WDFY1: variants seen among roughly 807,000 people sequenced by gnomAD.
The protein encoded by WDFY1 is WD repeat and FYVE domain-containing protein 1.
A neutral mutation model predicts 56.4 loss-of-function variants in WDFY1; 32 were observed. The ratio of observed to expected loss-of-function variants is 0.57; its 90% CI spans 0.43 to 0.76. WDFY1 has a LOEUF of 0.76. WDFY1 is among the 30% of genes least tolerant of loss of function. The probability of loss-of-function intolerance (pLI) is 0.00; values close to 1 mark genes in which losing one functional copy is unlikely to be tolerated. For synonymous variants in WDFY1, 192 were observed against 197.3 expected (o/e 0.97, Z 0.23); for missense variants, 480 against 545.7 (o/e 0.88, Z 1.20).
chr2:223,935,596 A>G (rs1341810086), intron 1 of WDFY1, among the ~76,000 whole-genome samples: 1 of 152,224 alleles, frequency 6.6e-6, no homozygotes, highest in East Asian at 1.9e-4. Flanking sequence ...AACACAGCAG[A>G]GGAAATGTCT....
Position 223,895,550 on chromosome 2 carries a change from C to T in WDFY1, c.679G>A (p.Asp227Asn), listed in dbSNP as rs1432714864. The T allele has an allele frequency of 6.2e-7, 1 of 1,614,012 alleles. No individual in the cohort carries two copies. Among genetic ancestry groups the T allele is most frequent in the Non-Finnish European group, 8.5e-7 (1 of 1,179,976 alleles). Residue 227 changes from aspartate to asparagine, a missense_variant, in exon 7 of 12, where the codon GAC (aspartate) becomes AAC (asparagine). Coordinates refer to ENST00000233055, the MANE Select transcript of WDFY1 (RefSeq NM_020830.5). ...GTCCGGCCTTTCCTTCCTCCGATGT[C>T]CCACATGATGATGCTGTTGTCAGAT... ...GASDNSIIMWDIGGRKGRTLL... is the reference protein window; with the variant it reads ...GASDNSIIMWNIGGRKGRTLL...
At chr2:223,925,452 T>C (rs948884360) in intron 1 of WDFY1, among the ~76,000 whole-genome samples, 1 of 152,210 alleles carries the variant, frequency 6.6e-6, no homozygotes, top group African/African-American at 2.4e-5. Context: ...AACGATCATC[T>C]GAACCTTCAG....
chr2:223,944,767 G>A (rs1392208130), intron 1 of WDFY1, among the ~76,000 whole-genome samples: 62 of 143,386 alleles, frequency 4.3e-4, no homozygotes, highest in African/African-American at 1.4e-3. Flanking sequence ...GAGCAGGAGG[G>A]GCGAGGTGGG....
chr2:223,894,536 A>G, intron 7 of WDFY1, 197 bp from the exon 8 acceptor site: 1 of 574,660 alleles, frequency 1.7e-6, no homozygotes. Flanking sequence ...GATACTTTCT[A>G]TAAAATATAT....
intron 8 of WDFY1, among the ~76,000 whole-genome samples, chr2:223,885,684 A>T (rs1449228849): frequency 1.3e-5 from 2 of 152,230 alleles, no homozygotes; most frequent in East Asian, 3.8e-4. Flanking sequence ...CAGTGCATGC[A>T]GCAGAATCTG....
intron 3 of WDFY1, among the ~76,000 whole-genome samples, chr2:223,911,158 G>GT (rs1693691473): frequency 6.6e-6 from 1 of 152,140 alleles, no homozygotes; most frequent in Admixed American, 6.5e-5. Context: ...CACACATATT[G>GT]TATGAGTCTA....
intron 1 of WDFY1, among the ~76,000 whole-genome samples, chr2:223,944,176 G>A (rs1397300477): frequency 6.6e-6 from 1 of 152,228 alleles, no homozygotes; most frequent in African/African-American, 2.4e-5. Context: ...GGCGTGGCGT[G>A]AAATCCCTGA....
chr2:223,900,978 G>T, intron 5 of WDFY1: 1 of 530,982 alleles, frequency 1.9e-6, no homozygotes, highest in East Asian at 3.4e-5. Flanking sequence ...CGGATTTTCA[G>T]TGAAATATGT....
In WDFY1 at chr2:223,895,654, A is replaced by AGAGAGG. The variant is rs763375865; in HGVS notation, c.599-30_599-25dup. On this transcript the variant is annotated intron_variant, in intron 6 of 11. Coordinates refer to ENST00000233055, the MANE Select transcript of WDFY1 (RefSeq NM_020830.5). Reference sequence around the variant, plus strand: ...ACCTAGGGATTTGTGAGAGAGAGAGAGAGAGGGAGGCAGGGGAGAAGTAAA... The same window carrying AGAGAGG: ...ACCTAGGGATTTGTGAGAGAGAGAGAGAGAGGGAGAGGGAGGCAGGGGAGAAGTAAA... 5.6e-6 allele frequency: 9 copies of AGAGAGG among 1,613,076 alleles called. No homozygotes were observed. In the African/African-American group the frequency reaches 1.2e-4, roughly 22 times the overall value.
intron 7 of WDFY1, among the ~76,000 whole-genome samples, chr2:223,894,878 T>C (rs1329679960): frequency 2.0e-5 from 3 of 152,216 alleles, no homozygotes; most frequent in Non-Finnish European, 4.4e-5. Flanking sequence ...GTGTATAATA[T>C]GTTTCCTCAG....
chr2:223,926,943 C>G (rs972724175), intron 1 of WDFY1, among the ~76,000 whole-genome samples: 2 of 152,186 alleles, frequency 1.3e-5, no homozygotes, highest in African/African-American at 4.8e-5. Context: ...GCTGGTATTA[C>G]AGGTGTCAGC....
At chr2:223,901,792 G>C (rs1159991416) in intron 4 of WDFY1, among the ~76,000 whole-genome samples, 1 of 152,162 alleles carries the variant, frequency 6.6e-6, no homozygotes, top group Admixed American at 6.5e-5. Flanking sequence ...TTCTAAGTAA[G>C]AGCAATGGCA....
rs115612505 is a variant in WDFY1 at position 223,906,942 on chromosome 2, G to A, written c.280-941C>T. ...AGATAAAACTCTAAAGAAAAATCAC[G>A]AATTACTACTACCATTATTATTATT... On this transcript the variant is annotated intron_variant, in intron 3 of 11. Transcript: ENST00000233055. Among the ~76,000 whole-genome samples, 1,170 of 136,874 alleles carry A rather than the reference G, an allele frequency of 8.5e-3. 13 individuals are homozygous for A. Among genetic ancestry groups the A allele is most frequent in the African/African-American group, 0.03 (1,101 of 36,118 alleles). The allele number at this position is 136,874 out of a possible 152,430, so 89.8% of individuals were successfully genotyped here. A position where few individuals can be genotyped will look rare whatever the true frequency, so the allele number is the denominator to read the frequency against.
chr2:223,881,927 T>C lies in WDFY1; in HGVS notation c.1064+15A>G, dbSNP rs753623736. The stretch of plus-strand genomic sequence containing the variant: ...GTAATAAGAGGCAATGAGACAAAAA[T>C]ATGCAAACACTCACTCTTCATCTTT... On this transcript the variant is annotated intron_variant, in intron 10 of 11. Coordinates refer to ENST00000233055, the MANE Select transcript of WDFY1 (RefSeq NM_020830.5). 3.7e-6 allele frequency: 6 copies of C among 1,612,340 alleles called. No individual in the cohort carries two copies. Among genetic ancestry groups the C allele is most frequent in the Non-Finnish European group, 8.5e-7 (1 of 1,179,042 alleles).
chr2:223,876,336 C>G lies in WDFY1; in HGVS notation c.*2335G>C, dbSNP rs1440459310. On this transcript the variant is annotated 3_prime_UTR_variant, in exon 12 of 12. Transcript: ENST00000233055. Reference sequence around the variant, plus strand: ...GCAGTCAAAATAAGGCAATAACCATCAGCCTATCTGTACTTTTCTTCTGTG... The same window carrying G: ...GCAGTCAAAATAAGGCAATAACCATGAGCCTATCTGTACTTTTCTTCTGTG... 1 of 152,556 alleles carries G rather than the reference C, an allele frequency of 6.6e-6. No individual in the cohort carries two copies. The highest frequency in any genetic ancestry group is 1.5e-5 in the Non-Finnish European group (1 of 68,004). The allele number at this position is 152,556 out of a possible 1,614,324, so 9.5% of individuals were successfully genotyped here.
chr2:223,912,185 G>A (rs1559170111), intron 3 of WDFY1, 68 bp downstream of exon 3: 1 of 1,470,444 alleles, frequency 6.8e-7, no homozygotes, highest in Admixed American at 2.2e-5. Flanking sequence ...GCCAATATGG[G>A]ACATGGGAGG....
intron 8 of WDFY1, among the ~76,000 whole-genome samples, chr2:223,885,720 C>G (rs376774757): frequency 1.3e-5 from 2 of 152,182 alleles, no homozygotes; most frequent in South Asian, 4.1e-4. Flanking sequence ...GAAAGGCTTG[C>G]GGGGTCACAG....
chr2:223,937,269 GCACA>G (rs1689201167), intron 1 of WDFY1, among the ~76,000 whole-genome samples: 1 of 152,108 alleles, frequency 6.6e-6, no homozygotes, highest in Admixed American at 6.5e-5. Flanking sequence ...TTATTCACGT[GCACA>G]CACAAACATG....
In WDFY1 at chr2:223,901,339, G is replaced by A. The variant is rs1460086241; in HGVS notation, c.335-6C>T. 3.7e-6 allele frequency: 6 copies of A among 1,613,798 alleles called. No individual in the cohort carries two copies. The highest frequency in any genetic ancestry group is 4.5e-5 in the East Asian group (2 of 44,874). ...AGACACCCGGTTCTGATGAGCTGCA[G>A]GAACAGAAAGGTGAACAGATGTCAT... On this transcript the variant is annotated splice_region_variant and splice_polypyrimidine_tract_variant and intron_variant, in intron 4 of 11. Transcript: ENST00000233055.
Sources: allele counts gnomAD v4.1 joint callset (sites outside exome capture counted in the v4.1 genomes callset), GRCh38; gene constraint gnomAD v4.1.1; transcripts MANE v1.5; gene names NCBI Gene and HGNC (gene_info 2026-07-23, HGNC 2026-07-21).